Variants in CA5A observed in about 807,000 individuals in gnomAD.
The protein encoded by CA5A is carbonic anhydrase 5A, mitochondrial.
Under a neutral mutation model 37.1 loss-of-function variants are expected in CA5A, and 28 were observed. The observed-to-expected ratio is 0.75, with a 90% CI of 0.56 to 1.03. The LOEUF is 1.03. Ranked by LOEUF, CA5A falls within the 50% of genes least tolerant of loss-of-function variation. The probability of loss-of-function intolerance (pLI) is 0.00; values close to 1 mark genes in which losing one functional copy is unlikely to be tolerated. For synonymous variants in CA5A, 171 were observed against 158.4 expected (o/e 1.08, Z -0.60); for missense variants, 444 against 399.9 (o/e 1.11, Z -0.94).
chr16:87,906,454 C>T (rs1445483912), intron 2 of CA5A, among the ~76,000 whole-genome samples: 1 of 151,954 alleles, frequency 6.6e-6, no homozygotes, highest in Admixed American at 6.6e-5. Flanking sequence ...GTGGTGTAAC[C>T]CATCTCTACT....
intron 1 of CA5A, among the ~76,000 whole-genome samples, chr16:87,933,254 T>G (rs937310735): frequency 5.3e-5 from 8 of 152,278 alleles, no homozygotes; most frequent in African/African-American, 1.9e-4. Context: ...ATGACTGTGG[T>G]GTAAATACTT....
intron 5 of CA5A, among the ~76,000 whole-genome samples, chr16:87,894,303 C>T (rs914403765): frequency 1.3e-5 from 2 of 151,936 alleles, no homozygotes; most frequent in African/African-American, 4.8e-5. Flanking sequence ...GGACAAGAGT[C>T]CAGTCCAAAG....
intron 5 of CA5A, among the ~76,000 whole-genome samples, chr16:87,894,120 T>A (rs555393586): frequency 5.3e-5 from 8 of 152,292 alleles, no homozygotes; most frequent in Admixed American, 5.2e-4. Flanking sequence ...GTTCTATTTA[T>A]AACTTTTTAT....
chr16:87,891,961 G>C lies in CA5A; in HGVS notation c.619-7C>G. Reference sequence around the variant, plus strand: ...GCATGGCCGCCCGCGCGTCCTGAGAGACCGAGAAGCACAGGACGTGTCAGT... The same window carrying C: ...GCATGGCCGCCCGCGCGTCCTGAGACACCGAGAAGCACAGGACGTGTCAGT... On this transcript the variant is annotated splice_polypyrimidine_tract_variant and splice_region_variant and intron_variant, in intron 5 of 6. Transcript: ENST00000649794. 1.3e-6 allele frequency: 2 copies of C among 1,528,642 alleles called. No homozygotes were observed. Among genetic ancestry groups the C allele is most frequent in the Admixed American group, 2.2e-5 (1 of 45,480 alleles). The allele number at this position is 1,528,642 out of a possible 1,614,324, so 94.7% of individuals were successfully genotyped here. A position where few individuals can be genotyped will look rare whatever the true frequency, so the allele number is the denominator to read the frequency against.
chr16:87,889,230 T>C (rs2055679639), intron 6 of CA5A, among the ~76,000 whole-genome samples: 1 of 152,086 alleles, frequency 6.6e-6, no homozygotes, highest in African/African-American at 2.4e-5. Context: ...TAATTTTGTA[T>C]TTTTAGTAGA....
intron 2 of CA5A, among the ~76,000 whole-genome samples, chr16:87,924,898 G>A (rs1411449336): frequency 6.6e-6 from 1 of 152,208 alleles, no homozygotes; most frequent in Admixed American, 6.5e-5. Flanking sequence ...GGCCTGGGGT[G>A]GCCTCGATTC....
downstream of CA5A, chr16:87,883,254 AC>A (rs1225853149): frequency 6.6e-6 from 1 of 150,998 alleles, no homozygotes; most frequent in East Asian, 1.9e-4. Context: ...CAAACTCCTG[AC>A]CTCATGATCT....
intron 3 of CA5A, 83 bp downstream of exon 3, chr16:87,904,703 G>C (rs879790903): frequency 7.6e-5 from 64 of 837,196 alleles, no homozygotes; most frequent in Non-Finnish European, 1.2e-4. Context: ...TCTGAGCGGC[G>C]CGCATGGCTT....
chr16:87,888,631 G>C (rs2055671430), intron 6 of CA5A, among the ~76,000 whole-genome samples: 1 of 152,280 alleles, frequency 6.6e-6, no homozygotes, highest in African/African-American at 2.4e-5. Context: ...TCTAGCCCTA[G>C]TTGAGCTTTC....
intron 2 of CA5A, among the ~76,000 whole-genome samples, chr16:87,924,916 G>T (rs895255908): frequency 1.3e-5 from 2 of 152,192 alleles, no homozygotes; most frequent in Non-Finnish European, 2.9e-5. Flanking sequence ...TTCTCTCCCT[G>T]CAGCCTTTGC....
intron 1 of CA5A, among the ~76,000 whole-genome samples, chr16:87,935,206 A>T (rs1036751489): frequency 5.3e-5 from 8 of 152,218 alleles, no homozygotes; most frequent in Non-Finnish European, 4.4e-5. Flanking sequence ...GATTTCAGTT[A>T]GAAGAGAACT....
intron 2 of CA5A, among the ~76,000 whole-genome samples, chr16:87,910,275 G>C (rs1416905752): frequency 6.6e-6 from 1 of 152,188 alleles, no homozygotes; most frequent in East Asian, 1.9e-4. Context: ...TGCAGCGGAG[G>C]AGCTGGCGTT....
intron 2 of CA5A, among the ~76,000 whole-genome samples, chr16:87,922,665 C>T (rs1023897490): frequency 2.0e-5 from 3 of 152,372 alleles, no homozygotes; most frequent in Non-Finnish European, 4.4e-5. Context: ...GCCAGAGGCC[C>T]GTCTGGGCCC....
intron 2 of CA5A, chr16:87,924,294 C>A: frequency 1.5e-5 from 15 of 985,430 alleles, no homozygotes; most frequent in African/African-American, 3.5e-5. Flanking sequence ...ATGAAGCAAC[C>A]GTGAATGGCA....
At chr16:87,908,293 C>T (rs558146277) in intron 2 of CA5A, among the ~76,000 whole-genome samples, 30 of 152,286 alleles carry the variant, frequency 2.0e-4, no homozygotes, top group South Asian at 1.2e-3. Flanking sequence ...CTAAGCCTCT[C>T]TACCTGTTAA....
downstream of CA5A, chr16:87,885,933 C>G (rs1376386452): frequency 2.6e-5 from 4 of 152,166 alleles, no homozygotes; most frequent in Non-Finnish European, 5.9e-5. Flanking sequence ...GCTCTTCAGA[C>G]CTTAAACAGT....
At chr16:87,932,463 G>T (rs1421117353) in intron 1 of CA5A, among the ~76,000 whole-genome samples, 2 of 152,132 alleles carry the variant, frequency 1.3e-5, no homozygotes, top group Non-Finnish European at 2.9e-5. Context: ...CCAACAAAAG[G>T]GCTCATTGCC....
intron 5 of CA5A, among the ~76,000 whole-genome samples, 171 bp downstream of exon 5, chr16:87,901,741 C>T (rs2055881258): frequency 6.6e-6 from 1 of 152,056 alleles, no homozygotes. Flanking sequence ...GCATGTGCCA[C>T]CGCACCCAGC....
In CA5A at chr16:87,936,355, T is replaced by G. The variant is rs774324287; in HGVS notation, c.96A>C (p.Arg32=). 9.9e-6 allele frequency: 16 copies of G among 1,613,888 alleles called. No homozygotes were observed. The highest frequency in any genetic ancestry group is 1.3e-5 in the African/African-American group (1 of 74,876). The part of the protein sequence containing the change: ...PLWSRSMRPG[R]WCSQRSCAWQ... ...ATGCACAGGAACGCTGAGAACACCA[T>G]CGCCCTGGCCTCATCGAACGACTCC... is the stretch of plus-strand genomic sequence containing the variant. Residue 32 remains arginine, a synonymous_variant, in exon 1 of 7, where the codon CGA becomes CGC. Transcript: ENST00000649794.
Sources: gnomAD v4.1 joint callset for allele counts (sites outside exome capture counted in the v4.1 genomes callset) on GRCh38, gnomAD v4.1.1 for gene constraint, MANE v1.5 for transcripts, NCBI Gene and HGNC (gene_info 2026-07-23, HGNC 2026-07-21) for gene names.